FBXO31: variants seen among roughly 807,000 people sequenced by gnomAD.
FBXO31 encodes the protein F-box protein 31.
A neutral mutation model predicts 54.4 loss-of-function variants in FBXO31; 24 were observed. The ratio of observed to expected loss-of-function variants is 0.44; its 90% confidence interval spans 0.32 to 0.62. The LOEUF (loss-of-function observed/expected upper bound fraction) is 0.62, where lower values mean the gene tolerates loss of function less well. Ranked by LOEUF, FBXO31 falls within the 20% of genes least tolerant of loss-of-function variation. The probability of loss-of-function intolerance (pLI) is 0.05; values close to 1 mark genes in which losing one functional copy is unlikely to be tolerated. For missense variants in FBXO31, 665 were observed against 787.1 expected (o/e 0.84, Z 1.86); for synonymous variants, 388 against 335.6 (o/e 1.16, Z -1.71).
At chr16:87,374,541 G>T (rs1017106809) in intron 1 of FBXO31, among the ~76,000 whole-genome samples, 2 of 152,188 alleles carry the variant, frequency 1.3e-5, no homozygotes, top group African/African-American at 2.4e-5. Context: ...TCCTAAGCCC[G>T]ACTGTCTGTA....
At chr16:87,337,108 A>G (rs1905064230) in intron 5 of FBXO31, among the ~76,000 whole-genome samples, 2 of 152,376 alleles carry the variant, frequency 1.3e-5, no homozygotes, top group South Asian at 4.1e-4. Flanking sequence ...TGGCAGGACC[A>G]CATGGTCAAC....
intron 1 of FBXO31, among the ~76,000 whole-genome samples, chr16:87,364,774 C>A (rs1044678155): frequency 4.0e-5 from 6 of 151,526 alleles, no homozygotes; most frequent in Admixed American, 1.3e-4. Context: ...GTAATCCCAG[C>A]ACTTTGGGAG....
At chr16:87,386,824 T>C (rs1907342573), upstream of FBXO31, among the ~76,000 whole-genome samples, 1 of 152,150 alleles carries the variant, frequency 6.6e-6, no homozygotes. Context: ...TATTTTAATA[T>C]ACCTTAAATA....
At chr16:87,347,786 C>T (rs1196133877) in intron 2 of FBXO31, among the ~76,000 whole-genome samples, 3 of 151,716 alleles carry the variant, frequency 2.0e-5, no homozygotes, top group Non-Finnish European at 4.4e-5. Flanking sequence ...GGGGGGAAAT[C>T]AAGCAAGGCT....
intron 1 of FBXO31, among the ~76,000 whole-genome samples, chr16:87,368,470 C>G (rs1343665661): frequency 6.6e-6 from 1 of 152,202 alleles, no homozygotes; most frequent in Non-Finnish European, 1.5e-5. Flanking sequence ...GAAAGACTGG[C>G]AAGTGATAAC....
rs961907495 is a variant in FBXO31, at chr16:87,328,509, G to A, written c.*2779C>T. 6.6e-6 allele frequency: 1 copy of A among 152,298 alleles called. No individual in the cohort carries two copies. The highest frequency in any genetic ancestry group is 2.4e-5 in the African/African-American group (1 of 41,470). 9.4% of individuals were successfully genotyped at this position (152,298 alleles called of 1,614,324 possible). A position where few individuals can be genotyped will look rare whatever the true frequency, so the allele number is the denominator to read the frequency against. ...CTCACACTCAGCAGTGGACACTTGA[G>A]GTCACGGCCCAGGTGGGCTGAGGGA... On this transcript the variant is annotated 3_prime_UTR_variant, in exon 9 of 9. Transcript: ENST00000311635.
intron 2 of FBXO31, among the ~76,000 whole-genome samples, chr16:87,347,676 T>A (rs569304331): frequency 9.2e-5 from 10 of 108,596 alleles, no homozygotes; most frequent in African/African-American, 3.2e-4. Context: ...GGAAACTCAG[T>A]CTCCAAAAAA....
rs1220032986 is a variant in FBXO31, at chr16:87,338,693, G to C, written c.733-2429C>G. Among the ~76,000 whole-genome samples the C allele has an allele frequency of 6.6e-6, 1 of 152,178 alleles. No individual in the cohort carries two copies. Among genetic ancestry groups the C allele is most frequent in the Non-Finnish European group, 1.5e-5 (1 of 68,030 alleles). On this transcript the variant is annotated intron_variant, in intron 5 of 8. Transcript: ENST00000311635. The surrounding 1 kb of genome is among the most constrained non-coding windows in gnomAD (Gnocchi z 4.3). ...CCGGGGTGGGGGTGACCCACACAGA[G>C]ATGCAGGGATGCCAAAGAGACTGCA...
In FBXO31 at chr16:87,383,365, C is replaced by A. The variant is rs1486636136; in HGVS notation, c.340+40G>T. On this transcript the variant is annotated intron_variant, in intron 1 of 8. Transcript: ENST00000311635. The surrounding 1 kb of genome is among the most constrained non-coding windows in gnomAD (Gnocchi z 4.9). ...CTCCGAGGCCTCCACCTGGCAGGGACCCCCCGCCCCTCCCGGCCCCGCCAC... is the reference window on the plus strand; with the variant it reads ...CTCCGAGGCCTCCACCTGGCAGGGAACCCCCGCCCCTCCCGGCCCCGCCAC... 2 of 1,404,728 alleles carry A rather than the reference C, an allele frequency of 1.4e-6. No individual in the cohort carries two copies. Among genetic ancestry groups the A allele is most frequent in the South Asian group, 1.3e-5 (1 of 79,180 alleles). The allele number at this position is 1,404,728 out of a possible 1,614,324, so 87.0% of individuals were successfully genotyped here.
chr16:87,374,456 T>C (rs1906737379), intron 1 of FBXO31, among the ~76,000 whole-genome samples: 1 of 152,136 alleles, frequency 6.6e-6, no homozygotes, highest in Admixed American at 6.5e-5. Context: ...GCACTGAAAG[T>C]GGAAACAGAA....
In FBXO31 at chr16:87,345,823, G is replaced by A. The variant is rs1037978356; in HGVS notation, c.489+1351C>T. Among the ~76,000 whole-genome samples the A allele has an allele frequency of 6.6e-6, 1 of 152,244 alleles. No homozygotes were observed. Among genetic ancestry groups the A allele is most frequent in the Non-Finnish European group, 1.5e-5 (1 of 68,044 alleles). On this transcript the variant is annotated intron_variant, in intron 3 of 8. Transcript: ENST00000311635. This position sits in a 1 kb window ranked among gnomAD's most constrained non-coding sequence, Gnocchi z 4.9. ...GAGGCCACTGACCACTGGCTGGGGA[G>A]GAAGGCCCATGTCTGGCACCTGCAG...
At chr16:87,382,714 C>A (rs1355394395) in intron 1 of FBXO31, among the ~76,000 whole-genome samples, 1 of 152,174 alleles carries the variant, frequency 6.6e-6, no homozygotes, top group Non-Finnish European at 1.5e-5. Flanking sequence ...CTCAGTGCAA[C>A]CTCCGCCTCC....
At chr16:87,375,175 G>C (rs779742055) in intron 1 of FBXO31, among the ~76,000 whole-genome samples, 1 of 152,152 alleles carries the variant, frequency 6.6e-6, no homozygotes, top group Non-Finnish European at 1.5e-5. Flanking sequence ...GCGTGGTAGC[G>C]GGCGCCTGTA....
chr16:87,345,606 C>A lies in FBXO31; in HGVS notation c.489+1568G>T, dbSNP rs1905351523. Among the ~76,000 whole-genome samples the A allele has an allele frequency of 6.6e-6, 1 of 152,180 alleles. No homozygotes were observed. The highest frequency in any genetic ancestry group is 2.4e-5 in the African/African-American group (1 of 41,444). On this transcript the variant is annotated intron_variant, in intron 3 of 8. Coordinates refer to ENST00000311635, the MANE Select transcript of FBXO31 (RefSeq NM_024735.5). The surrounding 1 kb of genome is among the most constrained non-coding windows in gnomAD (Gnocchi z 4.9). ...CCCTGGCCCCAGAGCTCATATCAAA[C>A]CTGCCCTCCTGCTGAGACCAGCCAC...
At chr16:87,378,168 A>T (rs1567489715) in intron 1 of FBXO31, among the ~76,000 whole-genome samples, 1 of 152,058 alleles carries the variant, frequency 6.6e-6, no homozygotes, top group African/African-American at 2.4e-5. Flanking sequence ...TCAAAAAAAA[A>T]AACAAAACAA....
chr16:87,339,242 T>A (rs928571071), intron 5 of FBXO31, among the ~76,000 whole-genome samples: 3 of 152,176 alleles, frequency 2.0e-5, no homozygotes, highest in Admixed American at 2.0e-4. Context: ...GTTGTGAAAA[T>A]TATCAGGATG....
intron 1 of FBXO31, among the ~76,000 whole-genome samples, chr16:87,378,212 T>C (rs926504548): frequency 1.2e-4 from 17 of 145,562 alleles, no homozygotes; most frequent in African/African-American, 4.3e-4. Context: ...ATAAATAAAA[T>C]CCACAAATCA....
upstream of FBXO31, chr16:87,386,010 C>CAA (rs969534488): frequency 1.4e-5 from 2 of 139,508 alleles, no homozygotes; most frequent in African/African-American, 2.6e-5. Flanking sequence ...GACTCTTTCT[C>CAA]AAAAAAAAAA....
upstream of FBXO31, among the ~76,000 whole-genome samples, chr16:87,390,287 C>T (rs1203524122): frequency 1.3e-5 from 2 of 152,024 alleles, no homozygotes; most frequent in Non-Finnish European, 2.9e-5. Flanking sequence ...TCTCAAAAAA[C>T]AAATAAATAA....
Sources: gnomAD v4.1 joint callset for allele counts (sites outside exome capture counted in the v4.1 genomes callset) on GRCh38, gnomAD v4.1.1 for gene constraint, Gnocchi (gnomAD v3.1) non-coding constraint, MANE v1.5 for transcripts, NCBI Gene and HGNC (gene_info 2026-07-23, HGNC 2026-07-21) for gene names.